The following PUDP variants were observed in gnomAD, a reference collection of about 807,000 sequenced individuals.
PUDP encodes pseudouridine 5'-phosphatase, also known as pseudouridine-5'-phosphatase.
In PUDP, 8 loss-of-function variants were observed where a neutral mutation model predicts 9.4. The observed-to-expected ratio is 0.85, with a 90% CI of 0.50 to 1.53. The LOEUF is 1.53. Ranked by LOEUF, PUDP falls within the 40% of genes most tolerant of loss-of-function variation. The pLI, the probability that PUDP is intolerant of heterozygous loss-of-function variation, is 0.00. For missense variants in PUDP, 188 were observed against 189.7 expected (o/e 0.99, Z 0.05); for synonymous variants, 99 against 80.7 (o/e 1.23, Z -1.22).
chrX:6,886,458 C>A (rs1395258694), intron 3 of PUDP, among the ~76,000 whole-genome samples: 1 of 112,195 alleles, frequency 8.9e-6, no homozygotes. Context: ...TTTCCCTCTG[C>A]ATTTATAACA....
At chrX:6,917,099 T>A (rs1171116872) in intron 3 of PUDP, among the ~76,000 whole-genome samples, 3 of 112,208 alleles carry the variant, frequency 2.7e-5, no homozygotes, top group African/African-American at 9.7e-5. Context: ...GCACAGTGGT[T>A]CATGCTTATA....
At chrX:6,947,145 C>T (rs1423997067) in intron 3 of PUDP, among the ~76,000 whole-genome samples, 1 of 109,561 alleles carries the variant, frequency 9.1e-6, no homozygotes, top group African/African-American at 3.3e-5. Context: ...AGACTACAGG[C>T]ACGCACCACC....
chrX:6,776,286 C>A (rs1925458740), intron 3 of PUDP, among the ~76,000 whole-genome samples: 1 of 110,324 alleles, frequency 9.1e-6, no homozygotes, highest in Non-Finnish European at 1.9e-5. Context: ...AAACCAAGCA[C>A]CTTGGGAGGC....
intron 3 of PUDP, among the ~76,000 whole-genome samples, chrX:7,061,959 C>A (rs1323452743): frequency 8.9e-6 from 1 of 111,957 alleles, no homozygotes; most frequent in African/African-American, 3.3e-5. Flanking sequence ...CTGGGACTAG[C>A]ACCTTATATT....
intron 2 of PUDP, among the ~76,000 whole-genome samples, chrX:7,093,463 G>A (rs1569157937): frequency 8.9e-6 from 1 of 112,036 alleles, no homozygotes; most frequent in Non-Finnish European, 1.9e-5. Flanking sequence ...ACTGGCGCCA[G>A]GAGGCTGTGA....
Position 7,069,201 on chromosome X carries a change from G to A in PUDP, c.510+8019C>T, listed in dbSNP as rs770843967. Among the ~76,000 whole-genome samples, 3 of 111,596 alleles carry A rather than the reference G, an allele frequency of 2.7e-5. No homozygotes were observed. In the South Asian group the frequency reaches 1.1e-3, roughly 42 times the overall value. Reference sequence around the variant, plus strand: ...GACGTTGCAGAGGAGCGTGGGAAACGGATGTCTGTGGTTTCAGCAGTCAGG... The same window carrying A: ...GACGTTGCAGAGGAGCGTGGGAAACAGATGTCTGTGGTTTCAGCAGTCAGG... On this transcript the variant is annotated intron_variant, in intron 3 of 3. Coordinates refer to ENST00000381077, the MANE Select transcript of PUDP (RefSeq NM_012080.5).
chrX:6,733,547 G>C (rs999650275), intron 3 of PUDP, among the ~76,000 whole-genome samples: 1 of 110,143 alleles, frequency 9.1e-6, no homozygotes, highest in East Asian at 2.9e-4. Flanking sequence ...CCAGTCAAAG[G>C]CTCCCTTCGG....
intron 2 of PUDP, among the ~76,000 whole-genome samples, chrX:7,096,059 C>T (rs765412348): frequency 5.7e-4 from 64 of 112,219 alleles, no homozygotes; most frequent in African/African-American, 2.0e-3. Context: ...ACTAATGCAA[C>T]CTTGTAAGTG....
intron 3 of PUDP, among the ~76,000 whole-genome samples, chrX:6,971,151 A>T (rs1242964708): frequency 9.0e-6 from 1 of 111,715 alleles, no homozygotes; most frequent in Non-Finnish European, 1.9e-5. Flanking sequence ...GGACAAGAGG[A>T]TGCTGCATGT....
intron 3 of PUDP, among the ~76,000 whole-genome samples, chrX:6,821,734 A>T (rs1026269435): frequency 5.3e-5 from 6 of 112,370 alleles, no homozygotes; most frequent in African/African-American, 1.9e-4. Flanking sequence ...GACACAGATA[A>T]GCAAGCTGCA....
chrX:7,107,446 A>C (rs1270721799), intron 1 of PUDP, among the ~76,000 whole-genome samples: 1 of 112,573 alleles, frequency 8.9e-6, no homozygotes, highest in Non-Finnish European at 1.9e-5. Context: ...ATGTATGTTC[A>C]CATGCTTACA....
intron 1 of PUDP, among the ~76,000 whole-genome samples, chrX:6,979,779 G>C (rs1021604120): frequency 9.0e-6 from 1 of 110,724 alleles, no homozygotes; most frequent in African/African-American, 3.3e-5. Flanking sequence ...AAATTTTAAA[G>C]CTTGAAAATA....
intron 3 of PUDP, among the ~76,000 whole-genome samples, chrX:6,730,854 A>G (rs147674432): frequency 0.02 from 2,277 of 111,722 alleles, 54 homozygotes; most frequent in African/African-American, 0.069. Flanking sequence ...CACAAAGCAC[A>G]TCACAAAGAA....
At chrX:6,709,830 A>G (rs1924510908) in intron 1 of PUDP, among the ~76,000 whole-genome samples, 1 of 112,093 alleles carries the variant, frequency 8.9e-6, no homozygotes, top group African/African-American at 3.2e-5. Context: ...ACGTTTTAAA[A>G]ACTAAATTTG....
chrX:7,125,844 G>A (rs1345679035), intron 1 of PUDP, among the ~76,000 whole-genome samples: 2 of 110,257 alleles, frequency 1.8e-5, no homozygotes, highest in Non-Finnish European at 3.8e-5. Flanking sequence ...AGAACAGCAC[G>A]GGAAAGACCT....
intron 3 of PUDP, among the ~76,000 whole-genome samples, chrX:6,869,804 A>G (rs1223369077): frequency 9.0e-6 from 1 of 111,459 alleles, no homozygotes; most frequent in Non-Finnish European, 1.9e-5. Flanking sequence ...CCCTTGTACT[A>G]TTTGGGGAGT....
At chrX:6,988,570 G>T (rs138266149) in intron 1 of PUDP, among the ~76,000 whole-genome samples, 19 of 111,942 alleles carry the variant, frequency 1.7e-4, no homozygotes, top group Middle Eastern at 9.1e-3. Flanking sequence ...ACTAAGGTCT[G>T]AGTCCTGGAG....
At chrX:7,029,346 G>A (rs1326041181) in intron 1 of PUDP, among the ~76,000 whole-genome samples, 1 of 111,772 alleles carries the variant, frequency 8.9e-6, no homozygotes, top group African/African-American at 3.3e-5. Flanking sequence ...AGGGGGCCTC[G>A]ACTCAGCTCA....
intron 3 of PUDP, among the ~76,000 whole-genome samples, chrX:6,921,804 T>C (rs1284819344): frequency 9.0e-6 from 1 of 111,149 alleles, no homozygotes; most frequent in African/African-American, 3.3e-5. Flanking sequence ...CTGTTTCCCA[T>C]GGCTCCCATG....
Sources: allele counts gnomAD v4.1 joint callset (sites outside exome capture counted in the v4.1 genomes callset), GRCh38; gene constraint gnomAD v4.1.1; transcripts MANE v1.5; gene names NCBI Gene and HGNC (gene_info 2026-07-23, HGNC 2026-07-21).